OSCP1: variants seen among roughly 807,000 people sequenced by gnomAD.
OSCP1 encodes the protein protein OSCP1.
Under a neutral mutation model 45.1 loss-of-function variants are expected in OSCP1, and 35 were observed. The ratio of observed to expected loss-of-function variants is 0.78; its 90% CI spans 0.59 to 1.03. OSCP1 has a LOEUF of 1.03. Ranked by LOEUF, OSCP1 falls within the 50% of genes least tolerant of loss-of-function variation. OSCP1 has a pLI of 0.00. For missense variants in OSCP1, 400 were observed against 470.7 expected (o/e 0.85, Z 1.39); for synonymous variants, 179 against 180.1 (o/e 0.99, Z 0.05).
intron 1 of OSCP1, chr1:36,443,920 C>A: frequency 1.4e-6 from 2 of 1,433,334 alleles, no homozygotes; most frequent in Non-Finnish European, 2.0e-6. Context: ...ATGTTTCAAG[C>A]GGTCCCATTT....
intron 3 of OSCP1, 31 bp downstream of exon 3, chr1:36,432,391 C>A: frequency 6.2e-7 from 1 of 1,609,636 alleles, no homozygotes; most frequent in Non-Finnish European, 8.5e-7. Context: ...AGTACTGGGG[C>A]TGAGAGGCGA....
chr1:36,438,536 ACT>A (rs1364123798), intron 2 of OSCP1, among the ~76,000 whole-genome samples: 1 of 151,418 alleles, frequency 6.6e-6, no homozygotes, highest in Non-Finnish European at 1.5e-5. Flanking sequence ...AAAACCCAGC[ACT>A]CTCTTTGGGC....
Position 36,417,950 on chromosome 1 carries a change from G to A in OSCP1, c.*189C>T. On this transcript the variant is annotated 3_prime_UTR_variant, in exon 10 of 10. Transcript: ENST00000235532. ...TATATTTCACTGAAAATATGTGTAT[G>A]TGTGTGCCTTCAAGAGTGAGTGCTC... 1 of 538,258 alleles carries A rather than the reference G, an allele frequency of 1.9e-6. No homozygotes were observed. Among genetic ancestry groups the A allele is most frequent in the Middle Eastern group, 4.8e-4 (1 of 2,096 alleles). The allele number at this position is 538,258 out of a possible 1,614,324, so 33.3% of individuals were successfully genotyped here.
rs567443026 is a variant in OSCP1, at chr1:36,424,977, A to G, written c.517-1511T>C. ...CACCTGAGGTCAGGAGTTCGAGACC[A>G]GCCTGGCCAACATGGTGAAACCCTG... is the stretch of plus-strand genomic sequence containing the variant. On this transcript the variant is annotated intron_variant, in intron 4 of 9. Coordinates refer to ENST00000235532, the MANE Select transcript of OSCP1 (RefSeq NM_145047.5). Among the ~76,000 whole-genome samples the G allele has an allele frequency of 4.6e-5, 7 of 152,196 alleles. No homozygotes were observed. In the South Asian group the frequency reaches 1.5e-3, roughly 32 times the overall value.
rs745698757 is a variant in OSCP1 at position 36,418,208 on chromosome 1, C to T, written c.1071G>A (p.Glu357=). The T allele has an allele frequency of 1.2e-6, 2 of 1,614,198 alleles. No homozygotes were observed. Among genetic ancestry groups the T allele is most frequent in the Non-Finnish European group, 1.7e-6 (2 of 1,180,034 alleles). The change falls in exon 10 of 10, where the codon GAG becomes GAA. Residue 357 remains glutamate (E), a synonymous_variant. Coordinates refer to ENST00000235532, the MANE Select transcript of OSCP1 (RefSeq NM_145047.5). The part of the protein sequence containing the change: ...EELARIMGEF[E]ITEQPRLSTS... ...TGCTCAGCCTTGGCTGCTCCGTGAT[C>T]TCAAACTCCCCCATGATTCGAGCCA... is the stretch of plus-strand genomic sequence containing the variant.
At position 36,417,914 on chromosome 1, in the gene OSCP1, A is replaced by G; in HGVS notation, c.*225T>C. On this transcript the variant is annotated 3_prime_UTR_variant, in exon 10 of 10. Transcript: ENST00000235532. ...GAATAAAATGGGAAAGGTCAAGTTT[A>G]AAAGTCAGAATATATTTCACTGAAA... is the stretch of plus-strand genomic sequence containing the variant. 2.4e-6 allele frequency: 1 copy of G among 414,138 alleles called. No homozygotes were observed. The highest frequency in any genetic ancestry group is 4.3e-6 in the Non-Finnish European group (1 of 233,154). The allele number at this position is 414,138 out of a possible 1,614,324, so 25.7% of individuals were successfully genotyped here.
intron 1 of OSCP1, among the ~76,000 whole-genome samples, chr1:36,445,098 C>T (rs898328700): frequency 1.3e-5 from 2 of 152,126 alleles, no homozygotes; most frequent in African/African-American, 4.8e-5. Flanking sequence ...GCCTGTAATC[C>T]CAGAACTTTG....
At chr1:36,438,680 T>C (rs1320679698) in intron 2 of OSCP1, 76 bp downstream of exon 2, 3 of 1,502,288 alleles carry the variant, frequency 2.0e-6, no homozygotes, top group East Asian at 4.6e-5. Context: ...CATCATCTCA[T>C]GTGACCCCAG....
chr1:36,441,833 A>T (rs1570544736), intron 1 of OSCP1, among the ~76,000 whole-genome samples: 1 of 151,668 alleles, frequency 6.6e-6, no homozygotes, highest in South Asian at 2.1e-4. Flanking sequence ...AGTTTTAATC[A>T]GACCCGCCCA....
intron 7 of OSCP1, chr1:36,421,930 C>T (rs2282354): frequency 0.11 from 62,632 of 581,222 alleles, 4,037 homozygotes; most frequent in East Asian, 0.26. Context: ...TTATGGTGGC[C>T]GAGCCAAGCC....
chr1:36,448,592 G>A (rs1649678883), intron 1 of OSCP1, among the ~76,000 whole-genome samples: 1 of 152,192 alleles, frequency 6.6e-6, no homozygotes, highest in Admixed American at 6.5e-5. Context: ...GGTGCTATGG[G>A]AGCACAGGCT....
chr1:36,420,142 A>ATTTTTTTTTTT (rs879625733), intron 8 of OSCP1, among the ~76,000 whole-genome samples: 29 of 138,478 alleles, frequency 2.1e-4, no homozygotes, highest in African/African-American at 8.0e-4. Flanking sequence ...CACCCAGCTA[A>ATTTTTTTTTTT]TTTTTTTTTT....
At chr1:36,436,354 C>G (rs1648739565) in intron 2 of OSCP1, among the ~76,000 whole-genome samples, 1 of 151,828 alleles carries the variant, frequency 6.6e-6, no homozygotes, top group Non-Finnish European at 1.5e-5. Context: ...TCATGATCCA[C>G]CCGCCTCAGC....
chr1:36,448,567 G>C (rs1426543531), intron 1 of OSCP1, among the ~76,000 whole-genome samples: 1 of 152,208 alleles, frequency 6.6e-6, no homozygotes, highest in East Asian at 1.9e-4. Context: ...GTAAGGTACT[G>C]AGGAGCAGGC....
At chr1:36,435,637 T>A (rs897542556) in intron 2 of OSCP1, among the ~76,000 whole-genome samples, 1 of 152,104 alleles carries the variant, frequency 6.6e-6, no homozygotes, top group African/African-American at 2.4e-5. Flanking sequence ...AGTAACTTTT[T>A]TTTTTTTGTT....
chr1:36,430,159 C>G lies in OSCP1; in HGVS notation c.516+1643G>C, dbSNP rs552836708. Among the ~76,000 whole-genome samples, 85 of 151,872 alleles carry G rather than the reference C, an allele frequency of 5.6e-4. 1 individual carries two copies. Among genetic ancestry groups the G allele is most frequent in the Admixed American group, 5.5e-3 (84 of 15,254 alleles). On this transcript the variant is annotated intron_variant, in intron 4 of 9. Transcript: ENST00000235532. ...CTGGGCTCAAGTGATCCTCCTACCT[C>G]AGCCTCCCAAATATCTGGGAATACA...
At chr1:36,438,317 C>CTAA in intron 2 of OSCP1, among the ~76,000 whole-genome samples, 1 of 73,802 alleles carries the variant, frequency 1.4e-5, no homozygotes, top group Non-Finnish European at 2.4e-5. Flanking sequence ...AACTCCATCT[C>CTAA]AAAAAAAAAA....
At position 36,418,124 on chromosome 1, in the gene OSCP1, G is replaced by A. The variant is rs774177746; in HGVS notation, c.*15C>T. The A allele has an allele frequency of 1.6e-5, 25 of 1,610,710 alleles. No individual in the cohort carries two copies. The highest frequency in any genetic ancestry group is 1.5e-4 in the South Asian group (14 of 90,944). On this transcript the variant is annotated 3_prime_UTR_variant, in exon 10 of 10. Coordinates refer to ENST00000235532, the MANE Select transcript of OSCP1 (RefSeq NM_145047.5). ...CAGCCTCTCCCTGGGGGCAGAGGACGCCTGGTCAGAACAGCTATAACTCAT... is the reference window on the plus strand; with the variant it reads ...CAGCCTCTCCCTGGGGGCAGAGGACACCTGGTCAGAACAGCTATAACTCAT...
intron 3 of OSCP1, 44 bp from the exon 4 acceptor site, chr1:36,431,926 G>T (rs1261217001): frequency 6.3e-7 from 1 of 1,581,126 alleles, no homozygotes; most frequent in Non-Finnish European, 8.6e-7. Flanking sequence ...TTCCAAGAGG[G>T]ATGAGTAGTA....
Sources: allele counts gnomAD v4.1 joint callset (sites outside exome capture counted in the v4.1 genomes callset), GRCh38; gene constraint gnomAD v4.1.1; transcripts MANE v1.5; gene names NCBI Gene and HGNC (gene_info 2026-07-23, HGNC 2026-07-21).